Variants in HSPA14 observed in about 807,000 individuals in gnomAD.
The protein encoded by HSPA14 is heat shock protein family A (Hsp70) member 14, also known as heat shock 70 kDa protein 14.
In HSPA14, 37 loss-of-function variants were observed where a neutral mutation model predicts 65.5. The observed-to-expected ratio is 0.56, with a 90% CI of 0.43 to 0.74. The LOEUF (loss-of-function observed/expected upper bound fraction) is 0.74. Ranked by LOEUF, HSPA14 falls within the 30% of genes least tolerant of loss-of-function variation. The pLI is 0.00. For synonymous variants in HSPA14, 203 were observed against 214.2 expected (o/e 0.95, Z 0.46); for missense variants, 564 against 607.6 (o/e 0.93, Z 0.75).
At chr10:14,847,503 T>C (rs1022924418) in intron 3 of HSPA14, among the ~76,000 whole-genome samples, 18 of 152,346 alleles carry the variant, frequency 1.2e-4, no homozygotes, top group African/African-American at 4.1e-4. Flanking sequence ...AGTTATGCCA[T>C]TGATTAGCTG....
At chr10:14,857,817 T>C (rs1025871136) in intron 10 of HSPA14, among the ~76,000 whole-genome samples, 10 of 152,210 alleles carry the variant, frequency 6.6e-5, no homozygotes, top group East Asian at 1.9e-4. Context: ...GTCTATACTT[T>C]GACAGTTTTA....
chr10:14,854,042 T>C (rs916752468), intron 8 of HSPA14, 83 bp from the exon 9 acceptor site: 4 of 1,309,278 alleles, frequency 3.1e-6, no homozygotes, highest in Non-Finnish European at 4.2e-6. Flanking sequence ...ATTATTGTTT[T>C]AATAAGGATT....
In HSPA14 at chr10:14,867,920, A is replaced by G. The variant is rs370924199; in HGVS notation, c.1380+11A>G. On this transcript the variant is annotated intron_variant, in intron 12 of 13. Transcript: ENST00000378372. ...ACCAAGTTTGCACAGGTGAATACAT[A>G]AAGTTAGACACATTAAACTGTTCAA... is the stretch of plus-strand genomic sequence containing the variant. The G allele has an allele frequency of 6.2e-7, 1 of 1,604,476 alleles. No individual in the cohort carries two copies. Among genetic ancestry groups the G allele is most frequent in the African/African-American group, 1.3e-5 (1 of 74,500 alleles).
At chr10:14,838,927 G>A (rs1833931271) in intron 1 of HSPA14, among the ~76,000 whole-genome samples, 1 of 152,202 alleles carries the variant, frequency 6.6e-6, no homozygotes, top group African/African-American at 2.4e-5. Context: ...GAGGTCCTGG[G>A]AAAGTTGTGG....
chr10:14,863,323 A>C (rs1236414386), intron 10 of HSPA14, among the ~76,000 whole-genome samples: 1 of 152,190 alleles, frequency 6.6e-6, no homozygotes, highest in Non-Finnish European at 1.5e-5. Context: ...AAAGGGGAGC[A>C]GTCCTAGTTT....
chr10:14,856,714 C>T (rs1441459277), intron 10 of HSPA14, among the ~76,000 whole-genome samples: 1 of 151,764 alleles, frequency 6.6e-6, no homozygotes, highest in Non-Finnish European at 1.5e-5. Flanking sequence ...ACAAAATTAG[C>T]GGGGTGTGAT....
Position 14,839,891 on chromosome 10 carries a change from GT to G in HSPA14, c.58-7del. 6.2e-7 allele frequency: 1 copy of G among 1,603,816 alleles called. No individual in the cohort carries two copies. ...CGTCTAATGAGACTATGTATTTCGTGTTTTTTTCTCTAGGATGGCCGGGCTG... is the reference window on the plus strand; with the variant it reads ...CGTCTAATGAGACTATGTATTTCGTGTTTTTTCTCTAGGATGGCCGGGCTG... On this transcript the variant is annotated splice_polypyrimidine_tract_variant and intron_variant, in intron 1 of 13. Coordinates refer to ENST00000378372, the MANE Select transcript of HSPA14 (RefSeq NM_016299.4).
At chr10:14,852,569 G>A in intron 8 of HSPA14, 38 bp downstream of exon 8, 1 of 1,444,224 alleles carries the variant, frequency 6.9e-7, no homozygotes. Flanking sequence ...TTCTGATTGA[G>A]GTTTTCCTTC....
In HSPA14 at chr10:14,867,218, A is replaced by G; in HGVS notation, c.1129A>G (p.Ile377Val). 6.2e-7 allele frequency: 1 copy of G among 1,613,700 alleles called. No individual in the cohort carries two copies. The highest frequency in any genetic ancestry group is 1.1e-5 in the South Asian group (1 of 91,078). ...TATTGGTGCAGCTATAGAAGCAGGA[A>G]TTCTTATTGGGAAAGAAAACCTGTT... ...IPIGAAIEAG[I>V]LIGKENLLVE... Residue 377 changes from isoleucine to valine, a missense_variant, in exon 11 of 14, where the codon ATT becomes GTT. By Grantham distance (29) the Ile-to-Val change is conservative. Coordinates refer to ENST00000378372, the MANE Select transcript of HSPA14 (RefSeq NM_016299.4).
intron 10 of HSPA14, among the ~76,000 whole-genome samples, chr10:14,862,289 A>G (rs559414755): frequency 1.3e-5 from 2 of 151,766 alleles, no homozygotes; most frequent in South Asian, 4.2e-4. Flanking sequence ...CGGCCTCCCA[A>G]AGTGCTGGGA....
rs3210848 is a variant in HSPA14 at position 14,846,382 on chromosome 10, T to C, written c.222-2227T>C. Reference sequence around the variant, plus strand: ...CTGAAGAAGAGCATTGGAATTAATATTTGGATGTGGTATTGTGAAATTCAA... The same window carrying C: ...CTGAAGAAGAGCATTGGAATTAATACTTGGATGTGGTATTGTGAAATTCAA... On this transcript the variant is annotated intron_variant, in intron 3 of 13. Transcript: ENST00000378372. 6.0e-4 allele frequency: 593 copies of C among 985,368 alleles called. 2 individuals carry two copies. The African/African-American group carries it at 9.8e-3, about 16-fold the overall frequency. The allele number at this position is 985,368 out of a possible 1,614,324, so 61.0% of individuals were successfully genotyped here. A position where few individuals can be genotyped will look rare whatever the true frequency, so the allele number is the denominator to read the frequency against.
chr10:14,869,509 G>A (rs1832836658), intron 12 of HSPA14, among the ~76,000 whole-genome samples: 1 of 151,880 alleles, frequency 6.6e-6, no homozygotes, highest in African/African-American at 2.4e-5. Flanking sequence ...TGACCAGGCT[G>A]GTCTCAAACT....
chr10:14,845,598 AT>A (rs559219676), intron 3 of HSPA14: 53,080 of 659,842 alleles, frequency 0.08, 1 homozygote, highest in Non-Finnish European at 0.09. Context: ...TATTATTATT[AT>A]TTTTTTTTTT....
chr10:14,839,746 T>C (rs1249412227), intron 1 of HSPA14, among the ~76,000 whole-genome samples, 159 bp from the exon 2 acceptor site: 1 of 152,236 alleles, frequency 6.6e-6, no homozygotes, highest in Admixed American at 6.5e-5. Flanking sequence ...ATAGGCTTTC[T>C]ATGAAAACGA....
chr10:14,869,693 G>A (rs1832838258), intron 12 of HSPA14, among the ~76,000 whole-genome samples: 1 of 152,200 alleles, frequency 6.6e-6, no homozygotes, highest in Non-Finnish European at 1.5e-5. Flanking sequence ...GGAATCTATT[G>A]GTAAAGTTTT....
rs1430035996 is a variant in HSPA14, at chr10:14,867,164, A to C, written c.1075A>C (p.Asn359His). ...TCTTTTCCCAGCTGTTGAGCTTCTC[A>C]ATTCTATCCCTCCTGATGAAGTGAT... ...KDLFPAVELLNSIPPDEVIPI... is the reference protein window; with the variant it reads ...KDLFPAVELLHSIPPDEVIPI... The change falls in exon 11 of 14, where the codon AAT becomes CAT. Residue 359 changes from asparagine to histidine, a missense_variant. Transcript: ENST00000378372. 6.2e-7 allele frequency: 1 copy of C among 1,613,792 alleles called. No homozygotes were observed. Among genetic ancestry groups the C allele is most frequent in the South Asian group, 1.1e-5 (1 of 91,074 alleles).
chr10:14,838,703 G>A (rs1025481813), intron 1 of HSPA14: 6 of 474,934 alleles, frequency 1.3e-5, no homozygotes, highest in African/African-American at 1.0e-4. Context: ...GTCCCAGGGC[G>A]TCATGGCGGC....
At chr10:14,871,448 G>C in intron 13 of HSPA14, 80 bp from the exon 14 acceptor site, 1 of 775,142 alleles carries the variant, frequency 1.3e-6, no homozygotes, top group Non-Finnish European at 2.2e-6. Flanking sequence ...TTTACTGAAA[G>C]CCCTCAAGTA....
At chr10:14,854,606 T>C (rs1834132581) in intron 9 of HSPA14, among the ~76,000 whole-genome samples, 1 of 152,230 alleles carries the variant, frequency 6.6e-6, no homozygotes, top group Non-Finnish European at 1.5e-5. Flanking sequence ...TTGCTAATAA[T>C]AATGATACGG....
Sources: allele counts gnomAD v4.1 joint callset (sites outside exome capture counted in the v4.1 genomes callset), GRCh38; gene constraint gnomAD v4.1.1; transcripts MANE v1.5; gene names NCBI Gene and HGNC (gene_info 2026-07-23, HGNC 2026-07-21).